BCAT1: variants seen among roughly 807,000 people sequenced by gnomAD.
The protein encoded by BCAT1 is branched-chain-amino-acid aminotransferase, cytosolic.
Under a neutral mutation model 52.4 loss-of-function variants are expected in BCAT1, and 48 were observed. The observed-to-expected ratio is 0.92, with a 90% CI of 0.73 to 1.16. The LOEUF (loss-of-function observed/expected upper bound fraction) is 1.16, where lower values mean the gene tolerates loss of function less well. Ranked by LOEUF, BCAT1 falls within the 50% of genes most tolerant of loss-of-function variation. The pLI is 0.00. For synonymous variants in BCAT1, 167 were observed against 161.3 expected, an observed-to-expected ratio of 1.04 and a Z score of -0.27; for missense variants, 451 against 457.1, an observed-to-expected ratio of 0.99 and a Z score of 0.12.
chr12:24,851,726 G>A (rs1319461926), intron 5 of BCAT1, among the ~76,000 whole-genome samples: 4 of 152,188 alleles, frequency 2.6e-5, no homozygotes, highest in East Asian at 3.8e-4. Flanking sequence ...AGGATAAAGC[G>A]CCTTAAAGCT....
chr12:24,926,871 C>G (rs183879156), intron 1 of BCAT1, among the ~76,000 whole-genome samples: 15 of 151,952 alleles, frequency 9.9e-5, no homozygotes, highest in Admixed American at 2.6e-4. Context: ...TTTGTTCACT[C>G]GTTTATCTGC....
intron 1 of BCAT1, among the ~76,000 whole-genome samples, chr12:24,922,704 C>T (rs922899165): frequency 6.6e-5 from 10 of 151,990 alleles, no homozygotes; most frequent in Admixed American, 4.6e-4. Flanking sequence ...AACCCCGTCT[C>T]TACTAAAAAT....
chr12:24,891,296 C>T (rs1942830703), intron 3 of BCAT1, among the ~76,000 whole-genome samples: 1 of 152,038 alleles, frequency 6.6e-6, no homozygotes, highest in African/African-American at 2.4e-5. Context: ...TGAAAGTGAC[C>T]TCTGGTCATC....
intron 7 of BCAT1, among the ~76,000 whole-genome samples, chr12:24,839,858 T>A (rs901615143): frequency 8.5e-5 from 13 of 152,238 alleles, no homozygotes; most frequent in Non-Finnish European, 5.9e-5. Context: ...ATGATATAAA[T>A]CAAAGTTACT....
At chr12:24,823,063 T>C (rs553974608) in intron 10 of BCAT1, among the ~76,000 whole-genome samples, 1 of 151,666 alleles carries the variant, frequency 6.6e-6, no homozygotes, top group African/African-American at 2.4e-5. Context: ...TGTTTTGACT[T>C]CTTTTTTTTT....
At chr12:24,913,153 G>A (rs766653641) in intron 1 of BCAT1, among the ~76,000 whole-genome samples, 1 of 152,024 alleles carries the variant, frequency 6.6e-6, no homozygotes, top group Non-Finnish European at 1.5e-5. Context: ...TGGACACCAA[G>A]TAAAAAATAC....
At chr12:24,839,890 T>C (rs566892910) in intron 7 of BCAT1, among the ~76,000 whole-genome samples, 2 of 152,366 alleles carry the variant, frequency 1.3e-5, no homozygotes, top group African/African-American at 4.8e-5. Flanking sequence ...TGTCTTTTTT[T>C]TTAGCCCAAA....
intron 1 of BCAT1, among the ~76,000 whole-genome samples, chr12:24,938,864 C>CTATTTATTTATT (rs10662028): frequency 3.3e-5 from 5 of 150,044 alleles, no homozygotes; most frequent in African/African-American, 9.8e-5. Context: ...ATTGCCTTTG[C>CTATTTATTTATT]TATTTATTTA....
intron 9 of BCAT1, among the ~76,000 whole-genome samples, chr12:24,831,490 A>T (rs932751158): frequency 6.6e-6 from 1 of 152,168 alleles, no homozygotes; most frequent in Admixed American, 6.5e-5. Context: ...CTCTACAAAA[A>T]ATACTAAAAT....
chr12:24,832,439 G>A (rs1000281074), intron 9 of BCAT1, among the ~76,000 whole-genome samples: 26 of 152,028 alleles, frequency 1.7e-4, no homozygotes, highest in African/African-American at 6.0e-4. Flanking sequence ...GTGCGGTGGC[G>A]CACTCCTGTA....
At chr12:24,839,660 C>G (rs1292444031) in intron 7 of BCAT1, among the ~76,000 whole-genome samples, 1 of 152,198 alleles carries the variant, frequency 6.6e-6, no homozygotes, top group Non-Finnish European at 1.5e-5. Context: ...CACACACTAT[C>G]CACCACCCCA....
intron 2 of BCAT1, among the ~76,000 whole-genome samples, chr12:24,900,941 A>G (rs1943087331): frequency 6.6e-6 from 1 of 152,238 alleles, no homozygotes; most frequent in African/African-American, 2.4e-5. Context: ...AAAAAACAGA[A>G]AAGAAATTGC....
At chr12:24,841,060 T>C (rs1207057408) in intron 7 of BCAT1, among the ~76,000 whole-genome samples, 2 of 152,108 alleles carry the variant, frequency 1.3e-5, no homozygotes, top group Non-Finnish European at 2.9e-5. Flanking sequence ...CTATGGTCTC[T>C]GCCAACTAAT....
chr12:24,919,566 G>A (rs1297048946), intron 1 of BCAT1, among the ~76,000 whole-genome samples: 1 of 152,180 alleles, frequency 6.6e-6, no homozygotes, highest in Non-Finnish European at 1.5e-5. Flanking sequence ...AACAGAATAT[G>A]TCATGGTTAT....
intron 5 of BCAT1, among the ~76,000 whole-genome samples, chr12:24,864,062 A>G (rs1236285814): frequency 6.6e-6 from 1 of 152,208 alleles, no homozygotes; most frequent in African/African-American, 2.4e-5. Flanking sequence ...TGAATTGTCT[A>G]TGGCTGCTTT....
At chr12:24,887,088 T>A (rs867915496) in intron 3 of BCAT1, among the ~76,000 whole-genome samples, 4,310 of 33,876 alleles carry the variant, frequency 0.13, 168 homozygotes, top group African/African-American at 0.22. Flanking sequence ...AAAATATATA[T>A]ATATATATAT....
intron 1 of BCAT1, among the ~76,000 whole-genome samples, chr12:24,908,902 CT>C (rs1162003762): frequency 1.3e-5 from 2 of 152,164 alleles, no homozygotes; most frequent in African/African-American, 4.8e-5. Context: ...TTACTAACCT[CT>C]TTTGAGTCTC....
chr12:24,829,956 A>G, intron 9 of BCAT1, 59 bp from the exon 10 acceptor site: 1 of 1,317,656 alleles, frequency 7.6e-7, no homozygotes, highest in Non-Finnish European at 1.1e-6. Flanking sequence ...GTGATAACAG[A>G]TAAGACACTC....
chr12:24,936,932 T>C (rs1943766468), intron 1 of BCAT1, among the ~76,000 whole-genome samples: 1 of 152,104 alleles, frequency 6.6e-6, no homozygotes. Flanking sequence ...CCTTTTACCA[T>C]GAAAGCTTCT....
Sources: allele counts gnomAD v4.1 joint callset (sites outside exome capture counted in the v4.1 genomes callset), GRCh38; gene constraint gnomAD v4.1.1; transcripts MANE v1.5; gene names NCBI Gene and HGNC (gene_info 2026-07-23, HGNC 2026-07-21).